Variants in EYA1 observed in about 807,000 individuals in gnomAD.
EYA1 encodes the protein EYA transcriptional coactivator and phosphatase 1.
In EYA1, 16 loss-of-function variants were observed where a neutral mutation model predicts 82.0. That is an observed-to-expected ratio of 0.20 (90% CI 0.13 to 0.30). The LOEUF (loss-of-function observed/expected upper bound fraction) is 0.30, where lower values mean the gene tolerates loss of function less well. Ranked by LOEUF, EYA1 falls within the 10% of genes least tolerant of loss-of-function variation. EYA1 has a pLI of 1.00. For missense variants in EYA1, 633 were observed against 730.7 expected, an observed-to-expected ratio of 0.87 and a Z score of 1.54; for synonymous variants, 261 against 264.4, an observed-to-expected ratio of 0.99 and a Z score of 0.12.
rs1298719970 is a variant in EYA1, at chr8:71,198,825, C to T, written c.*515G>A. 1 of 131,114 alleles carries T rather than the reference C, an allele frequency of 7.6e-6. No homozygotes were observed. Among genetic ancestry groups the T allele is most frequent in the Non-Finnish European group, 1.6e-5 (1 of 61,444 alleles). 8.1% of individuals were successfully genotyped at this position (131,114 alleles called of 1,614,324 possible). A position where few individuals can be genotyped will look rare whatever the true frequency, so the allele number is the denominator to read the frequency against. ...GTGGGTGAATTATACCTCAATAAAG[C>T]TGTTTTTTTATCTTTTTAAAAAAAG... On this transcript the variant is annotated 3_prime_UTR_variant, in exon 18 of 18. Transcript: ENST00000340726.
At chr8:71,437,037 GGT>G (rs1806059943) in intron 2 of EYA1, among the ~76,000 whole-genome samples, 1 of 109,068 alleles carries the variant, frequency 9.2e-6, no homozygotes, top group African/African-American at 3.5e-5. Context: ...CTTAGTTCCA[GGT>G]GTGTGTGTAT....
At chr8:71,540,403 T>A (rs1025732065) in intron 1 of EYA1, among the ~76,000 whole-genome samples, 1 of 152,194 alleles carries the variant, frequency 6.6e-6, no homozygotes, top group Admixed American at 6.5e-5. Context: ...ATTATTATTT[T>A]AGTTCTAGCT....
At chr8:71,360,181 G>A (rs964612018) in intron 1 of EYA1, among the ~76,000 whole-genome samples, 5 of 151,880 alleles carry the variant, frequency 3.3e-5, no homozygotes, top group Admixed American at 1.3e-4. Context: ...TTTGCAATGC[G>A]TCGTTTAAAG....
chr8:71,440,849 C>T (rs1181333701), intron 2 of EYA1, among the ~76,000 whole-genome samples: 2 of 152,048 alleles, frequency 1.3e-5, no homozygotes, highest in Non-Finnish European at 1.5e-5. Context: ...AGAACTAAGT[C>T]GATGCAGTGA....
intron 12 of EYA1, among the ~76,000 whole-genome samples, chr8:71,241,341 AT>A (rs1812460926): frequency 6.6e-6 from 1 of 152,168 alleles, no homozygotes; most frequent in Non-Finnish European, 1.5e-5. Context: ...TTAGAGTTCG[AT>A]TAAGATATTT....
intron 11 of EYA1, among the ~76,000 whole-genome samples, chr8:71,251,116 G>A (rs753197606): frequency 2.0e-5 from 3 of 152,180 alleles, no homozygotes; most frequent in Non-Finnish European, 2.9e-5. Context: ...TCTATTTAAT[G>A]AAGTGGATAA....
At chr8:71,314,721 G>A (rs570226053) in intron 7 of EYA1, among the ~76,000 whole-genome samples, 1 of 152,268 alleles carries the variant, frequency 6.6e-6, no homozygotes, top group South Asian at 2.1e-4. Context: ...GTCTAAAACT[G>A]AGTAAATTAT....
chr8:71,519,001 A>C (rs1393949278), intron 2 of EYA1, among the ~76,000 whole-genome samples: 1 of 152,212 alleles, frequency 6.6e-6, no homozygotes, highest in Non-Finnish European at 1.5e-5. Flanking sequence ...TGTAAAAAGC[A>C]GTATTTGCCA....
chr8:71,250,017 C>A (rs1010971536), intron 11 of EYA1, among the ~76,000 whole-genome samples: 1 of 151,932 alleles, frequency 6.6e-6, no homozygotes, highest in African/African-American at 2.4e-5. Context: ...ATTGTCATTG[C>A]CATTGTTCTT....
chr8:71,255,132 G>C (rs80296578), intron 11 of EYA1, among the ~76,000 whole-genome samples: 2,653 of 152,174 alleles, frequency 0.017, 70 homozygotes, highest in African/African-American at 0.061. Flanking sequence ...GACATCCCAT[G>C]TTCATGGATG....
intron 2 of EYA1, among the ~76,000 whole-genome samples, chr8:71,523,043 C>A: frequency 6.6e-6 from 1 of 152,132 alleles, no homozygotes; most frequent in Non-Finnish European, 1.5e-5. Context: ...GTTTTTCTCC[C>A]TTTACAAGTG....
chr8:71,483,493 T>C (rs558585439), intron 2 of EYA1, among the ~76,000 whole-genome samples: 2 of 152,258 alleles, frequency 1.3e-5, no homozygotes, highest in South Asian at 4.1e-4. Context: ...AGTTTAACAA[T>C]TTTTTAACAT....
At chr8:71,366,788 A>T (rs1827782446), upstream of EYA1, among the ~76,000 whole-genome samples, 2 of 152,142 alleles carry the variant, frequency 1.3e-5, no homozygotes. Flanking sequence ...TTCTAGCACC[A>T]TCAAAGTCAC....
At chr8:71,294,626 A>T (rs1819402312) in intron 9 of EYA1, among the ~76,000 whole-genome samples, 1 of 152,364 alleles carries the variant, frequency 6.6e-6, no homozygotes, top group South Asian at 2.1e-4. Flanking sequence ...TTCCATGCAT[A>T]TGGATAGATT....
At chr8:71,544,503 A>G (rs1018777447) in intron 1 of EYA1, among the ~76,000 whole-genome samples, 3 of 152,166 alleles carry the variant, frequency 2.0e-5, no homozygotes, top group Non-Finnish European at 4.4e-5. Context: ...TTTTCCTTAT[A>G]CTAAGCTGAA....
At chr8:71,322,403 A>G (rs1586357086) in intron 4 of EYA1, 135 bp from the exon 5 acceptor site, 1 of 744,792 alleles carries the variant, frequency 1.3e-6, no homozygotes, top group Middle Eastern at 2.4e-4. Flanking sequence ...TGACCTGCGG[A>G]GATGGAAATT....
intron 2 of EYA1, among the ~76,000 whole-genome samples, chr8:71,395,770 T>TA (rs1235241586): frequency 6.6e-6 from 1 of 152,218 alleles, no homozygotes; most frequent in Admixed American, 6.5e-5. Context: ...GCTGTATCTC[T>TA]GCCAGGGTTT....
At chr8:71,452,770 C>T (rs532527309) in intron 2 of EYA1, among the ~76,000 whole-genome samples, 13 of 152,170 alleles carry the variant, frequency 8.5e-5, no homozygotes, top group South Asian at 6.2e-4. Context: ...CCAATTTGCA[C>T]GTCACCATCA....
chr8:71,205,903 A>G (rs1807706869), intron 17 of EYA1, among the ~76,000 whole-genome samples: 2 of 152,250 alleles, frequency 1.3e-5, no homozygotes, highest in South Asian at 2.1e-4. Context: ...GTTAAAATCA[A>G]TTTCGAAGCA....
Sources: gnomAD v4.1 joint callset for allele counts (sites outside exome capture counted in the v4.1 genomes callset) on GRCh38, gnomAD v4.1.1 for gene constraint, MANE v1.5 for transcripts, NCBI Gene and HGNC (gene_info 2026-07-23, HGNC 2026-07-21) for gene names.